Variants in PARVB observed in about 807,000 individuals in gnomAD.
PARVB encodes the protein beta-parvin.
PARVB carries 46 observed loss-of-function variants against 47.0 expected under a neutral mutation model. That is an observed-to-expected ratio of 0.98 (90% CI 0.77 to 1.25). The LOEUF (loss-of-function observed/expected upper bound fraction) is 1.25, where lower values mean the gene tolerates loss of function less well. PARVB is among the 50% of genes most tolerant of loss of function. The pLI, the probability that PARVB is intolerant of heterozygous loss-of-function variation, is 0.00. For synonymous variants in PARVB, 196 were observed against 196.3 expected (o/e 1.00, Z 0.01); for missense variants, 473 against 471.6 (o/e 1.00, Z -0.03).
chr22:44,107,199 C>A (rs1486085585), intron 3 of PARVB: 1 of 152,232 alleles, frequency 6.6e-6, no homozygotes, highest in South Asian at 2.1e-4. Context: ...CAAAAGTCAT[C>A]TTTGCTGGTG....
intron 3 of PARVB, chr22:44,102,649 G>A (rs1169767275): frequency 3.9e-5 from 6 of 152,072 alleles, no homozygotes; most frequent in African/African-American, 1.5e-4. Flanking sequence ...AGACCAGCCT[G>A]GGCAACATGG....
chr22:44,165,152 C>T lies in PARVB; in HGVS notation c.1018+1222C>T, dbSNP rs111970825. ...GGACTAAGGCGCATACCACCATGCC[C>T]GGCTAATGTTTTAACTTTTCTTTTT... is the stretch of plus-strand genomic sequence containing the variant. On this transcript the variant is annotated intron_variant, in intron 12 of 12. Coordinates refer to ENST00000338758, the MANE Select transcript of PARVB (RefSeq NM_013327.5). Among the ~76,000 whole-genome samples, 469 of 152,244 alleles carry T rather than the reference C, an allele frequency of 3.1e-3. 2 individuals carry two copies. The highest frequency in any genetic ancestry group is 1.0e-2 in the African/African-American group (415 of 41,534).
chr22:44,125,156 T>G lies in PARVB; in HGVS notation c.376+6016T>G, dbSNP rs16991522. On this transcript the variant is annotated intron_variant, in intron 4 of 12. Coordinates refer to ENST00000338758, the MANE Select transcript of PARVB (RefSeq NM_013327.5). The surrounding 1 kb of genome is among the most constrained non-coding windows in gnomAD (Gnocchi z 4.1). ...GGACCACATTGTTTGTCCTTATTCA[T>G]CTGGCCCTCAGAAAGTATATTTGGA... Among the ~76,000 whole-genome samples, 49,183 of 151,992 alleles carry G rather than the reference T, an allele frequency of 0.32. 8,414 individuals carry two copies. Among genetic ancestry groups the G allele is most frequent in the African/African-American group, 0.45 (18,498 of 41,450 alleles).
intron 1 of PARVB, among the ~76,000 whole-genome samples, chr22:44,085,227 A>C (rs543613451): frequency 1.6e-3 from 241 of 152,272 alleles, no homozygotes; most frequent in African/African-American, 5.6e-3. Flanking sequence ...CCCCAGCTCC[A>C]AGTAGCTGGG....
chr22:44,062,529 C>T (rs1042942088), intron 1 of PARVB, among the ~76,000 whole-genome samples: 5 of 151,816 alleles, frequency 3.3e-5, no homozygotes, highest in African/African-American at 9.7e-5. Context: ...CCCAGCTACT[C>T]GGGAGACTGA....
At chr22:44,163,036 C>G (rs777674508) in intron 11 of PARVB, among the ~76,000 whole-genome samples, 1 of 152,206 alleles carries the variant, frequency 6.6e-6, no homozygotes, top group Non-Finnish European at 1.5e-5. Flanking sequence ...TAAGGCCCTC[C>G]CTCCCCTGAG....
At chr22:44,034,378 C>T (rs930752871) in intron 1 of PARVB, among the ~76,000 whole-genome samples, 47 of 150,126 alleles carry the variant, frequency 3.1e-4, no homozygotes, top group African/African-American at 1.1e-3. Context: ...AGATGGGGGT[C>T]TTTATACATA....
chr22:44,020,176 CTTTTTTTTTT>C (rs60438723), upstream of PARVB, among the ~76,000 whole-genome samples: 4 of 136,200 alleles, frequency 2.9e-5, no homozygotes, highest in African/African-American at 1.1e-4. Flanking sequence ...ACAGTCACCA[CTTTTTTTTTT>C]TTTTTTTTGA....
intron 1 of PARVB, among the ~76,000 whole-genome samples, chr22:44,070,435 T>C (rs2051629555): frequency 6.6e-6 from 1 of 152,198 alleles, no homozygotes; most frequent in Admixed American, 6.5e-5. Flanking sequence ...ATGCACATTT[T>C]TTTCTGAGCT....
intron 2 of PARVB, among the ~76,000 whole-genome samples, chr22:44,008,859 G>T (rs199511984): frequency 2.6e-5 from 4 of 152,010 alleles, no homozygotes; most frequent in East Asian, 3.9e-4. Context: ...TGTGGGGGTG[G>T]GTGCCTGTAG....
At chr22:44,055,260 G>A (rs925249355) in intron 1 of PARVB, among the ~76,000 whole-genome samples, 1 of 151,902 alleles carries the variant, frequency 6.6e-6, no homozygotes. Flanking sequence ...GACCAGTGCC[G>A]CCTTGAACGT....
intron 1 of PARVB, among the ~76,000 whole-genome samples, chr22:44,027,254 C>G (rs2050746397): frequency 6.6e-6 from 1 of 152,186 alleles, no homozygotes; most frequent in Admixed American, 6.5e-5. Flanking sequence ...AGAAGACCAA[C>G]AACACACAGG....
chr22:44,069,082 G>T, intron 1 of PARVB: 1 of 1,606,544 alleles, frequency 6.2e-7, no homozygotes, highest in South Asian at 1.1e-5. Flanking sequence ...CTATATGAAC[G>T]GGGTGTGTGC....
chr22:44,005,635 C>G (rs1029456128), intron 2 of PARVB, among the ~76,000 whole-genome samples: 35 of 152,098 alleles, frequency 2.3e-4, no homozygotes, highest in African/African-American at 8.2e-4. Flanking sequence ...CCCCACCTCT[C>G]CACACCCAAG....
In PARVB at chr22:44,168,680, G is replaced by A. The variant is rs771080850; in HGVS notation, c.*2G>A. 2.1e-5 allele frequency: 34 copies of A among 1,601,968 alleles called. No individual in the cohort carries two copies. The highest frequency in any genetic ancestry group is 1.7e-4 in the African/African-American group (13 of 74,628). On this transcript the variant is annotated 3_prime_UTR_variant, in exon 13 of 13. Transcript: ENST00000338758. ...ACCAAGTACAAGAACGTGGAGTGAC[G>A]GGGGAGCTGTGGATGGTGGCAGGAG...
intron 2 of PARVB, among the ~76,000 whole-genome samples, chr22:44,013,167 G>A (rs932854282): frequency 6.6e-6 from 1 of 152,098 alleles, no homozygotes; most frequent in Non-Finnish European, 1.5e-5. Flanking sequence ...CAAAGTGCTG[G>A]GATTACAGGC....
intron 11 of PARVB, among the ~76,000 whole-genome samples, chr22:44,162,040 G>C (rs543670173): frequency 2.0e-5 from 3 of 152,312 alleles, no homozygotes; most frequent in African/African-American, 7.2e-5. Flanking sequence ...CTCCTGCCGG[G>C]CTGTGTCTTC....
At chr22:44,081,762 C>T (rs1005421159) in intron 1 of PARVB, 11 of 244,598 alleles carry the variant, frequency 4.5e-5, no homozygotes, top group African/African-American at 1.6e-4. Context: ...GGGGCGGTGA[C>T]GGTGACACAC....
At chr22:44,029,945 A>G (rs1227723795) in intron 1 of PARVB, among the ~76,000 whole-genome samples, 2 of 152,150 alleles carry the variant, frequency 1.3e-5, no homozygotes, top group Non-Finnish European at 2.9e-5. Flanking sequence ...ATCACTAGGT[A>G]GCTGCGACAT....
Sources: allele counts gnomAD v4.1 joint callset (sites outside exome capture counted in the v4.1 genomes callset), GRCh38; gene constraint gnomAD v4.1.1; non-coding constraint Gnocchi (gnomAD v3.1); transcripts MANE v1.5; gene names NCBI Gene and HGNC (gene_info 2026-07-23, HGNC 2026-07-21).